The following ATRNL1 variants were observed in gnomAD, a reference collection of about 807,000 sequenced individuals.
ATRNL1 encodes the protein attractin like 1, also known as attractin-like protein 1.
Under a neutral mutation model 182.7 loss-of-function variants are expected in ATRNL1, and 95 were observed. The observed-to-expected ratio is 0.52, with a 90% CI of 0.44 to 0.62. The LOEUF (loss-of-function observed/expected upper bound fraction) is 0.62, where lower values mean the gene tolerates loss of function less well. Among genes scored for constraint, ATRNL1 ranks in the 20% least tolerant of loss-of-function variants. The pLI is 0.00. For missense variants in ATRNL1, 1,471 were observed against 1,679.5 expected, an observed-to-expected ratio of 0.88 and a Z score of 2.17; for synonymous variants, 576 against 568.3, an observed-to-expected ratio of 1.01 and a Z score of -0.19.
chr10:115,857,327 C>G (rs1183654572), intron 28 of ATRNL1, among the ~76,000 whole-genome samples: 1 of 151,986 alleles, frequency 6.6e-6, no homozygotes, highest in Non-Finnish European at 1.5e-5. Context: ...ACTCCAACCC[C>G]CATTTTATTC....
intron 19 of ATRNL1, among the ~76,000 whole-genome samples, chr10:115,391,035 C>T (rs1388892714): frequency 1.3e-5 from 2 of 152,130 alleles, no homozygotes; most frequent in Non-Finnish European, 2.9e-5. Flanking sequence ...TCAGTTCTAA[C>T]ATATTTTTGG....
At chr10:115,272,258 A>C (rs144905570) in intron 13 of ATRNL1, among the ~76,000 whole-genome samples, 77 of 152,316 alleles carry the variant, frequency 5.1e-4, no homozygotes, top group African/African-American at 1.8e-3. Flanking sequence ...CACAGGGTGT[A>C]GGGTATGGTA....
chr10:115,813,581 C>T (rs1474111959), intron 27 of ATRNL1, among the ~76,000 whole-genome samples: 1 of 152,104 alleles, frequency 6.6e-6, no homozygotes, highest in African/African-American at 2.4e-5. Context: ...CCTTATGAAA[C>T]AACATTCTTT....
intron 25 of ATRNL1, among the ~76,000 whole-genome samples, chr10:115,521,963 G>A (rs926324705): frequency 6.6e-6 from 1 of 152,112 alleles, no homozygotes; most frequent in Non-Finnish European, 1.5e-5. Context: ...CTGTTATTTT[G>A]GTAACAGAGC....
chr10:115,390,473 CA>C (rs1354741078), intron 19 of ATRNL1, among the ~76,000 whole-genome samples: 81 of 152,140 alleles, frequency 5.3e-4, no homozygotes, highest in African/African-American at 1.9e-3. Flanking sequence ...ACACTTTTGT[CA>C]AAAATCAGTA....
chr10:115,104,259 A>G (rs1182547259), intron 1 of ATRNL1, among the ~76,000 whole-genome samples: 2 of 152,096 alleles, frequency 1.3e-5, no homozygotes, highest in Non-Finnish European at 2.9e-5. Context: ...ATAATATCAC[A>G]TTGTAGTTTT....
chr10:115,209,741 A>T (rs782469709), intron 8 of ATRNL1, among the ~76,000 whole-genome samples: 1 of 151,958 alleles, frequency 6.6e-6, no homozygotes, highest in Non-Finnish European at 1.5e-5. Context: ...GAGGTGATCT[A>T]TATGTTGTTA....
At chr10:115,480,120 A>G (rs1054326918) in intron 24 of ATRNL1, among the ~76,000 whole-genome samples, 6 of 151,164 alleles carry the variant, frequency 4.0e-5, no homozygotes, top group Admixed American at 1.3e-4. Context: ...TACAGAACAA[A>G]ATAGAAGAAG....
chr10:115,379,029 A>T (rs1371814938), intron 19 of ATRNL1, among the ~76,000 whole-genome samples: 6 of 152,108 alleles, frequency 3.9e-5, no homozygotes, highest in Admixed American at 3.9e-4. Flanking sequence ...ATGTTTCTAA[A>T]GTGTTTTTTT....
intron 28 of ATRNL1, among the ~76,000 whole-genome samples, chr10:115,880,252 C>A (rs140371119): frequency 1.1e-3 from 175 of 152,310 alleles, no homozygotes; most frequent in Non-Finnish European, 2.0e-3. Flanking sequence ...TGGGGTCAAC[C>A]TGAGCCTGGC....
chr10:115,291,713 T>G (rs1298876555), intron 15 of ATRNL1, among the ~76,000 whole-genome samples: 1 of 152,058 alleles, frequency 6.6e-6, no homozygotes, highest in African/African-American at 2.4e-5. Context: ...AAATCCTTCT[T>G]GGTCATGGTG....
chr10:115,409,670 CAAAA>C (rs1554959377), intron 20 of ATRNL1, among the ~76,000 whole-genome samples: 1 of 151,630 alleles, frequency 6.6e-6, no homozygotes, highest in Non-Finnish European at 1.5e-5. Context: ...AACAAACAAA[CAAAA>C]AAACAAAAAC....
At chr10:115,735,172 C>T (rs1555065053) in intron 27 of ATRNL1, among the ~76,000 whole-genome samples, 1 of 152,170 alleles carries the variant, frequency 6.6e-6, no homozygotes, top group African/African-American at 2.4e-5. Flanking sequence ...AATGTTTCTA[C>T]TTTCCTGCTC....
intron 27 of ATRNL1, among the ~76,000 whole-genome samples, chr10:115,836,562 C>T (rs943475014): frequency 2.6e-5 from 4 of 152,168 alleles, no homozygotes; most frequent in East Asian, 1.9e-4. Flanking sequence ...AACCTTGGTG[C>T]TCCTTGGCTT....
intron 14 of ATRNL1, 100 bp downstream of exon 14, chr10:115,281,587 A>C: frequency 8.2e-7 from 1 of 1,225,832 alleles, no homozygotes; most frequent in Non-Finnish European, 1.1e-6. Flanking sequence ...CTAAAATTAA[A>C]GTCATAGTAA....
intron 24 of ATRNL1, among the ~76,000 whole-genome samples, chr10:115,476,224 G>A (rs1250504141): frequency 6.6e-6 from 1 of 151,106 alleles, no homozygotes; most frequent in African/African-American, 2.4e-5. Context: ...GATATTTCAG[G>A]TGTCTCCTTT....
At chr10:115,146,924 G>T (rs1459018687) in intron 5 of ATRNL1, among the ~76,000 whole-genome samples, 1 of 151,800 alleles carries the variant, frequency 6.6e-6, no homozygotes, top group East Asian at 1.9e-4. Context: ...AAATAGTGCT[G>T]CAGTAAATAT....
intron 9 of ATRNL1, among the ~76,000 whole-genome samples, chr10:115,219,600 T>TCAACAACCAA (rs1849366141): frequency 6.6e-6 from 1 of 152,174 alleles, no homozygotes; most frequent in Non-Finnish European, 1.5e-5. Context: ...GTGTTGGTTG[T>TCAACAACCAA]CAACAAAAGT....
chr10:115,908,981 C>A (rs1952586402), intron 28 of ATRNL1, among the ~76,000 whole-genome samples: 1 of 152,214 alleles, frequency 6.6e-6, no homozygotes, highest in African/African-American at 2.4e-5. Flanking sequence ...CATGCCTGCA[C>A]ACCCCCATCA....
Sources: allele counts gnomAD v4.1 joint callset (sites outside exome capture counted in the v4.1 genomes callset), GRCh38; gene constraint gnomAD v4.1.1; transcripts MANE v1.5; gene names NCBI Gene and HGNC (gene_info 2026-07-23, HGNC 2026-07-21).